PLCB1: variants seen among roughly 807,000 people sequenced by gnomAD.
PLCB1 encodes the protein phospholipase C beta 1, also known as 1-phosphatidylinositol 4,5-bisphosphate phosphodiesterase beta-1.
A neutral mutation model predicts 161.8 loss-of-function variants in PLCB1; 46 were observed. That is an observed-to-expected ratio of 0.28 (90% CI 0.22 to 0.36). The LOEUF (loss-of-function observed/expected upper bound fraction) is 0.36, where lower values mean the gene tolerates loss of function less well. Among genes scored for constraint, PLCB1 ranks in the 10% least tolerant of loss-of-function variants. The pLI, the probability that PLCB1 is intolerant of heterozygous loss-of-function variation, is 1.00. For synonymous variants in PLCB1, 517 were observed against 503.7 expected (o/e 1.03, Z -0.35); for missense variants, 1,016 against 1,472.5 (o/e 0.69, Z 5.07).
At chr20:8,252,948 C>CT (rs1186327078) in intron 2 of PLCB1, among the ~76,000 whole-genome samples, 1 of 151,904 alleles carries the variant, frequency 6.6e-6, no homozygotes, top group Admixed American at 6.6e-5. Context: ...GGGACAGTCC[C>CT]TTTTTATGCC....
At chr20:8,221,414 G>A (rs1274332443) in intron 2 of PLCB1, among the ~76,000 whole-genome samples, 1 of 152,064 alleles carries the variant, frequency 6.6e-6, no homozygotes, top group Non-Finnish European at 1.5e-5. Flanking sequence ...CAACTTTTGG[G>A]CACTGTTTAA....
At chr20:8,733,151 GACTGGGATCA>G in intron 18 of PLCB1, 77 bp from the exon 19 acceptor site, 1 of 1,342,608 alleles carries the variant, frequency 7.4e-7, no homozygotes, top group South Asian at 1.3e-5. Flanking sequence ...CACAAAAGTG[GACTGGGATCA>G]ACTTTACTTT....
Position 8,738,344 on chromosome 20 carries a change from C to T in PLCB1, c.2209-917C>T, listed in dbSNP as rs575510065. On this transcript the variant is annotated intron_variant, in intron 20 of 31. Transcript: ENST00000338037. ...CTATTTCTCCACATCCTCTCCAGCA[C>T]CTGTTGTTTCCTGACTTTTTAATGA... is the stretch of plus-strand genomic sequence containing the variant. Among the ~76,000 whole-genome samples the T allele has an allele frequency of 3.7e-4, 56 of 152,264 alleles. 1 individual carries two copies. The East Asian group carries it at 0.01, about 28-fold the overall frequency.
intron 9 of PLCB1, among the ~76,000 whole-genome samples, chr20:8,662,809 A>G (rs1169363022): frequency 6.6e-6 from 1 of 151,824 alleles, no homozygotes; most frequent in Non-Finnish European, 1.5e-5. Context: ...GCATGAAGAT[A>G]ATGAGATTTC....
intron 20 of PLCB1, among the ~76,000 whole-genome samples, chr20:8,738,691 A>G (rs2123514275): frequency 6.6e-6 from 1 of 152,336 alleles, no homozygotes; most frequent in East Asian, 1.9e-4. Flanking sequence ...GTAAAAATAA[A>G]ACAGCCTATT....
At chr20:8,387,979 A>T (rs897193323) in intron 3 of PLCB1, among the ~76,000 whole-genome samples, 16 of 144,662 alleles carry the variant, frequency 1.1e-4, no homozygotes, top group African/African-American at 3.3e-4. Context: ...ACTTTTTTTA[A>T]AAAAAAAAAA....
intron 14 of PLCB1, among the ~76,000 whole-genome samples, chr20:8,721,275 TAC>T (rs372099262): frequency 7.0e-4 from 106 of 152,324 alleles, no homozygotes; most frequent in African/African-American, 2.5e-3. Context: ...GGGTGCAAGT[TAC>T]TTCATTGTTG....
intron 2 of PLCB1, among the ~76,000 whole-genome samples, chr20:8,276,866 C>CTTCTATA (rs1982572727): frequency 1.3e-5 from 2 of 151,964 alleles, no homozygotes; most frequent in African/African-American, 4.8e-5. Context: ...AGGAGTTGGA[C>CTTCTATA]TTCTATATCC....
chr20:8,168,552 A>G (rs1600212580), intron 2 of PLCB1, among the ~76,000 whole-genome samples: 1 of 152,162 alleles, frequency 6.6e-6, no homozygotes, highest in Non-Finnish European at 1.5e-5. Flanking sequence ...GCATCCCAAC[A>G]TGGTGCACAG....
At chr20:8,520,806 G>A (rs1201724180) in intron 3 of PLCB1, among the ~76,000 whole-genome samples, 2 of 152,154 alleles carry the variant, frequency 1.3e-5, no homozygotes, top group African/African-American at 4.8e-5. Flanking sequence ...TGTGCATTTT[G>A]AGGATTTCTG....
rs530122082 is a variant in PLCB1 at position 8,150,434 on chromosome 20, T to C, written c.177+63T>C. On this transcript the variant is annotated intron_variant, in intron 2 of 31. Transcript: ENST00000338037. The stretch of plus-strand genomic sequence containing the variant: ...CGTTTACTACTTTGAAAAGTATTTA[T>C]GTATCTTATCTATAGAAGAACATCC... The C allele has an allele frequency of 1.2e-4, 84 of 716,088 alleles. No individual in the cohort carries two copies. The East Asian group carries it at 2.2e-3, about 19-fold the overall frequency. The allele number at this position is 716,088 out of a possible 1,614,324, so 44.4% of individuals were successfully genotyped here. A position where few individuals can be genotyped will look rare whatever the true frequency, so the allele number is the denominator to read the frequency against.
At chr20:8,447,001 T>C (rs80148704) in intron 3 of PLCB1, among the ~76,000 whole-genome samples, 1,551 of 152,340 alleles carry the variant, frequency 0.01, 26 homozygotes, top group African/African-American at 0.036. Context: ...ATACGTAGAA[T>C]AGAAATTCTG....
intron 3 of PLCB1, among the ~76,000 whole-genome samples, chr20:8,454,561 G>A (rs1033947988): frequency 6.6e-5 from 10 of 152,106 alleles, no homozygotes; most frequent in African/African-American, 1.9e-4. Context: ...ATTGGATGAC[G>A]AATGGAAAGA....
At chr20:8,633,379 A>T (rs915344374) in intron 4 of PLCB1, among the ~76,000 whole-genome samples, 1 of 152,172 alleles carries the variant, frequency 6.6e-6, no homozygotes, top group Non-Finnish European at 1.5e-5. Context: ...TAAATACTCA[A>T]CTGGGTGATT....
At chr20:8,433,781 C>A (rs1258445149) in intron 3 of PLCB1, among the ~76,000 whole-genome samples, 1 of 151,662 alleles carries the variant, frequency 6.6e-6, no homozygotes, top group South Asian at 2.1e-4. Context: ...TAATGAAACA[C>A]TGTGAATTGC....
intron 3 of PLCB1, among the ~76,000 whole-genome samples, chr20:8,585,620 G>A (rs558002194): frequency 3.9e-5 from 6 of 151,942 alleles, no homozygotes; most frequent in East Asian, 1.9e-4. Context: ...CCCTCTTGAC[G>A]TGATGCTTTT....
At chr20:8,736,731 G>A (rs1243897995) in intron 19 of PLCB1, among the ~76,000 whole-genome samples, 1 of 152,132 alleles carries the variant, frequency 6.6e-6, no homozygotes, top group Non-Finnish European at 1.5e-5. Flanking sequence ...CAGATCTTGT[G>A]AGAACTCACT....
intron 2 of PLCB1, among the ~76,000 whole-genome samples, chr20:8,300,874 G>A (rs1192212710): frequency 6.6e-6 from 1 of 152,122 alleles, no homozygotes; most frequent in African/African-American, 2.4e-5. Flanking sequence ...ATAGCCCCAG[G>A]CTAGAGTGCT....
At chr20:8,179,664 G>A (rs2051818026) in intron 2 of PLCB1, among the ~76,000 whole-genome samples, 1 of 152,026 alleles carries the variant, frequency 6.6e-6, no homozygotes, top group African/African-American at 2.4e-5. Context: ...CTCTGGCTAG[G>A]ACTTCCAGTA....
Sources: allele counts gnomAD v4.1 joint callset (sites outside exome capture counted in the v4.1 genomes callset), GRCh38; gene constraint gnomAD v4.1.1; transcripts MANE v1.5; gene names NCBI Gene and HGNC (gene_info 2026-07-23, HGNC 2026-07-21).